SPATA17: variants seen among roughly 807,000 people sequenced by gnomAD.
The protein encoded by SPATA17 is spermatogenesis associated 17.
SPATA17 carries 53 observed loss-of-function variants against 62.2 expected under a neutral mutation model. That is an observed-to-expected ratio of 0.85 (90% CI 0.68 to 1.07). The LOEUF is 1.07. Ranked by LOEUF, SPATA17 falls within the 50% of genes least tolerant of loss-of-function variation. SPATA17 has a pLI of 0.00. For missense variants in SPATA17, 466 were observed against 425.5 expected, an observed-to-expected ratio of 1.10 and a Z score of -0.84; for synonymous variants, 146 against 146.8, an observed-to-expected ratio of 0.99 and a Z score of 0.04.
chr1:217,634,607 C>G (rs535209358), intron 1 of SPATA17, among the ~76,000 whole-genome samples: 3 of 152,152 alleles, frequency 2.0e-5, no homozygotes, highest in Admixed American at 2.0e-4. Context: ...CCTCCAGCTG[C>G]GTGACTCCCA....
intron 1 of SPATA17, among the ~76,000 whole-genome samples, chr1:217,643,545 C>G (rs1670113284): frequency 6.6e-6 from 1 of 152,162 alleles, no homozygotes; most frequent in Admixed American, 6.5e-5. Context: ...TTACCCCACA[C>G]AGGCTCTGAC....
chr1:217,846,682 T>C (rs1675537207), intron 9 of SPATA17, among the ~76,000 whole-genome samples: 1 of 152,070 alleles, frequency 6.6e-6, no homozygotes, highest in East Asian at 1.9e-4. Flanking sequence ...GAACGTCATG[T>C]TATATATACT....
At chr1:217,795,709 G>A (rs1674119502) in intron 8 of SPATA17, among the ~76,000 whole-genome samples, 1 of 151,918 alleles carries the variant, frequency 6.6e-6, no homozygotes, top group African/African-American at 2.4e-5. Context: ...TGGCCTAGTT[G>A]GCCATGAGTC....
At chr1:217,650,764 A>C (rs576277084) in intron 2 of SPATA17, among the ~76,000 whole-genome samples, 2 of 152,226 alleles carry the variant, frequency 1.3e-5, no homozygotes, top group Non-Finnish European at 2.9e-5. Flanking sequence ...ATTTACATCA[A>C]TAGTGCCTGG....
intron 5 of SPATA17, among the ~76,000 whole-genome samples, chr1:217,702,636 A>G (rs115198441): frequency 3.3e-4 from 51 of 152,306 alleles, no homozygotes; most frequent in Non-Finnish European, 7.1e-4. Context: ...TAGATTTGTC[A>G]ACATCTTTTG....
At chr1:217,742,879 G>T (rs1283491274) in intron 6 of SPATA17, among the ~76,000 whole-genome samples, 1 of 151,874 alleles carries the variant, frequency 6.6e-6, no homozygotes, top group Admixed American at 6.6e-5. Context: ...CCAGGTAGGG[G>T]CAAGTCAAGT....
In SPATA17 at chr1:217,869,961, A is replaced by G. The variant is rs1405379678; in HGVS notation, c.*2942A>G. The G allele has an allele frequency of 1.3e-5, 2 of 152,190 alleles. No homozygotes were observed. Among genetic ancestry groups the G allele is most frequent in the African/African-American group, 4.8e-5 (2 of 41,448 alleles). The allele number at this position is 152,190 out of a possible 1,614,324, so 9.4% of individuals were successfully genotyped here. ...ACCATAAATAGCGGACCATCTGTATATCTGAAAGAAGATGAACCAAGACTT... is the reference window on the plus strand; with the variant it reads ...ACCATAAATAGCGGACCATCTGTATGTCTGAAAGAAGATGAACCAAGACTT... On this transcript the variant is annotated 3_prime_UTR_variant, in exon 11 of 11. Transcript: ENST00000366933.
At chr1:217,678,632 C>T (rs954835499) in intron 4 of SPATA17, among the ~76,000 whole-genome samples, 2 of 152,122 alleles carry the variant, frequency 1.3e-5, no homozygotes, top group Non-Finnish European at 2.9e-5. Flanking sequence ...TGGCAGATGG[C>T]TTTTAATATA....
chr1:217,837,234 G>T (rs1675281640), intron 9 of SPATA17, among the ~76,000 whole-genome samples: 1 of 152,054 alleles, frequency 6.6e-6, no homozygotes, highest in Non-Finnish European at 1.5e-5. Flanking sequence ...ACAGTAATAT[G>T]GCTAAATTAG....
intron 4 of SPATA17, among the ~76,000 whole-genome samples, chr1:217,675,841 C>T (rs1206022670): frequency 5.9e-5 from 9 of 152,074 alleles, no homozygotes; most frequent in Admixed American, 1.3e-4. Context: ...ACATTGAACC[C>T]AGGAGGTCTG....
At chr1:217,670,321 T>C (rs1670804411) in intron 4 of SPATA17, among the ~76,000 whole-genome samples, 1 of 152,092 alleles carries the variant, frequency 6.6e-6, no homozygotes, top group Non-Finnish European at 1.5e-5. Flanking sequence ...GGGGAGACTG[T>C]AGAAGGAGAT....
intron 1 of SPATA17, among the ~76,000 whole-genome samples, chr1:217,635,576 C>T (rs1375315909): frequency 6.6e-6 from 1 of 151,964 alleles, no homozygotes; most frequent in Non-Finnish European, 1.5e-5. Context: ...TGGTGGTGCG[C>T]ACCTGTAGTC....
At chr1:217,654,299 G>A (rs369509983) in intron 3 of SPATA17, among the ~76,000 whole-genome samples, 79 of 151,848 alleles carry the variant, frequency 5.2e-4, no homozygotes, top group South Asian at 2.3e-3. Flanking sequence ...CATCACGCCC[G>A]GCTAATTTTC....
chr1:217,674,039 A>C (rs769626603), intron 4 of SPATA17, among the ~76,000 whole-genome samples: 1 of 152,140 alleles, frequency 6.6e-6, no homozygotes, highest in Non-Finnish European at 1.5e-5. Context: ...GCAGGGGGAA[A>C]ATAACCCAAG....
chr1:217,641,133 A>G (rs951463244), intron 1 of SPATA17, among the ~76,000 whole-genome samples: 10 of 152,138 alleles, frequency 6.6e-5, no homozygotes, highest in Non-Finnish European at 1.2e-4. Flanking sequence ...TTTAACTAGT[A>G]CAAAACTTGT....
chr1:217,791,878 A>G (rs1054615060), intron 8 of SPATA17, among the ~76,000 whole-genome samples: 1 of 152,068 alleles, frequency 6.6e-6, no homozygotes, highest in African/African-American at 2.4e-5. Flanking sequence ...TCCAGGTCAG[A>G]GATGAAGAGG....
chr1:217,792,545 A>G (rs943623690), intron 8 of SPATA17, among the ~76,000 whole-genome samples: 6 of 152,146 alleles, frequency 3.9e-5, no homozygotes, highest in African/African-American at 1.4e-4. Flanking sequence ...GTTACCACCC[A>G]GGCCTAATTC....
rs1676105727 is a variant in SPATA17, at chr1:217,870,348, TATC to T, written c.*3332_*3334del. On this transcript the variant is annotated 3_prime_UTR_variant, in exon 11 of 11. Transcript: ENST00000366933. ...CTTTATCGCTAGTGTATGTAAGTAA[TATC>T]ATTGTCCTTAACCACCATCTGCCTC... 2 of 152,282 alleles carry T rather than the reference TATC, an allele frequency of 1.3e-5. No homozygotes were observed. The allele number at this position is 152,282 out of a possible 1,614,324, so 9.4% of individuals were successfully genotyped here.
rs1236199461 is a variant in SPATA17, at chr1:217,869,953, A to C, written c.*2934A>C. 1.3e-5 allele frequency: 2 copies of C among 152,198 alleles called. No homozygotes were observed. The highest frequency in any genetic ancestry group is 2.9e-5 in the Non-Finnish European group (2 of 68,026). The allele number at this position is 152,198 out of a possible 1,614,324, so 9.4% of individuals were successfully genotyped here. On this transcript the variant is annotated 3_prime_UTR_variant, in exon 11 of 11. Transcript: ENST00000366933. ...GTCAAGCCACCATAAATAGCGGACC[A>C]TCTGTATATCTGAAAGAAGATGAAC...
Sources: allele counts gnomAD v4.1 joint callset (sites outside exome capture counted in the v4.1 genomes callset), GRCh38; gene constraint gnomAD v4.1.1; transcripts MANE v1.5; gene names NCBI Gene and HGNC (gene_info 2026-07-23, HGNC 2026-07-21).